The following ZMAT4 variants were observed in gnomAD, a reference collection of about 807,000 sequenced individuals.
ZMAT4 encodes the protein zinc finger matrin-type protein 4.
A neutral mutation model predicts 28.7 loss-of-function variants in ZMAT4; 17 were observed. The ratio of observed to expected loss-of-function variants is 0.59; its 90% CI spans 0.41 to 0.89. ZMAT4 has a LOEUF of 0.89. Ranked by LOEUF, ZMAT4 falls within the 40% of genes least tolerant of loss-of-function variation. The probability of loss-of-function intolerance (pLI) is 0.00; values close to 1 mark genes in which losing one functional copy is unlikely to be tolerated. For missense variants in ZMAT4, 240 were observed against 283.8 expected, an observed-to-expected ratio of 0.85 and a Z score of 1.11; for synonymous variants, 117 against 109.2, an observed-to-expected ratio of 1.07 and a Z score of -0.44.
At chr8:40,613,363 T>C (rs1805877622) in intron 5 of ZMAT4, among the ~76,000 whole-genome samples, 1 of 151,612 alleles carries the variant, frequency 6.6e-6, no homozygotes, top group South Asian at 2.1e-4. Flanking sequence ...TTTTTGTATT[T>C]TTAGTAGATG....
intron 1 of ZMAT4, among the ~76,000 whole-genome samples, chr8:40,833,968 G>A (rs1445451386): frequency 6.6e-6 from 1 of 152,220 alleles, no homozygotes; most frequent in East Asian, 1.9e-4. Flanking sequence ...GAGAGGCAGA[G>A]GGAGAGAAAA....
intron 5 of ZMAT4, among the ~76,000 whole-genome samples, chr8:40,618,758 T>G (rs1806101477): frequency 6.6e-6 from 1 of 151,946 alleles, no homozygotes; most frequent in Non-Finnish European, 1.5e-5. Flanking sequence ...ACGACAGCAC[T>G]GCAGGCACCT....
chr8:40,871,549 G>T (rs1279851614), intron 1 of ZMAT4, among the ~76,000 whole-genome samples: 1 of 152,230 alleles, frequency 6.6e-6, no homozygotes, highest in Admixed American at 6.5e-5. Flanking sequence ...CTGCAGAGAA[G>T]GCTGGGGCAG....
At chr8:40,800,538 A>T (rs1476920062) in intron 2 of ZMAT4, among the ~76,000 whole-genome samples, 1 of 152,182 alleles carries the variant, frequency 6.6e-6, no homozygotes, top group African/African-American at 2.4e-5. Flanking sequence ...AATAGAAATA[A>T]TAGAAATCAC....
intron 5 of ZMAT4, among the ~76,000 whole-genome samples, chr8:40,618,276 G>C (rs1274075815): frequency 1.3e-5 from 2 of 152,070 alleles, no homozygotes; most frequent in African/African-American, 4.8e-5. Flanking sequence ...AAAACAACAC[G>C]AGGCAGCCTG....
At chr8:40,708,335 C>G (rs1810452653) in intron 3 of ZMAT4, among the ~76,000 whole-genome samples, 1 of 152,184 alleles carries the variant, frequency 6.6e-6, no homozygotes, top group South Asian at 2.1e-4. Context: ...CCTGGAGGGG[C>G]AGACACAGCC....
At chr8:40,555,171 A>C (rs1803492925) in intron 6 of ZMAT4, among the ~76,000 whole-genome samples, 1 of 152,158 alleles carries the variant, frequency 6.6e-6, no homozygotes, top group East Asian at 1.9e-4. Context: ...ATGGCCAAAT[A>C]ATATTCCATT....
intron 2 of ZMAT4, among the ~76,000 whole-genome samples, chr8:40,817,203 C>T (rs1483210063): frequency 3.3e-5 from 5 of 152,056 alleles, no homozygotes; most frequent in African/African-American, 9.7e-5. Flanking sequence ...AAAAATAAAT[C>T]GGAAGCCTTT....
At chr8:40,811,681 G>A (rs1029375845) in intron 2 of ZMAT4, among the ~76,000 whole-genome samples, 26 of 152,296 alleles carry the variant, frequency 1.7e-4, no homozygotes, top group African/African-American at 6.3e-4. Context: ...AAAGTTAAAA[G>A]GTAATAGATG....
In ZMAT4 at chr8:40,829,876, C is replaced by T. The variant is rs1816215192; in HGVS notation, c.-4-4196G>A. On this transcript the variant is annotated intron_variant, in intron 1 of 6. Transcript: ENST00000297737. ...GGCACAGAGAAAAATCTTACTACCA[C>T]TAAGCATGAGAAGATAATAGGAGGG... Among the ~76,000 whole-genome samples the T allele has an allele frequency of 2.0e-5, 3 of 151,926 alleles. No individual in the cohort carries two copies. The South Asian group carries it at 6.2e-4, about 32-fold the overall frequency.
chr8:40,784,324 A>G (rs1313595136), intron 2 of ZMAT4, among the ~76,000 whole-genome samples: 4 of 152,216 alleles, frequency 2.6e-5, no homozygotes, highest in African/African-American at 9.6e-5. Flanking sequence ...AAAACTGCAT[A>G]TCTAAATCAA....
intron 5 of ZMAT4, among the ~76,000 whole-genome samples, chr8:40,600,843 AGCT>A (rs1360048339): frequency 1.3e-5 from 2 of 152,284 alleles, no homozygotes; most frequent in East Asian, 3.9e-4. Context: ...CAGACTAGCA[AGCT>A]GCTGCATCCT....
chr8:40,560,546 T>G (rs866029938), intron 6 of ZMAT4, among the ~76,000 whole-genome samples: 1 of 151,822 alleles, frequency 6.6e-6, no homozygotes, highest in South Asian at 2.1e-4. Flanking sequence ...AGTTTTGAGA[T>G]TCAAAATGGA....
At chr8:40,853,755 G>A (rs1422184066) in intron 1 of ZMAT4, among the ~76,000 whole-genome samples, 1 of 152,070 alleles carries the variant, frequency 6.6e-6, no homozygotes, top group Non-Finnish European at 1.5e-5. Context: ...TACCTCATCA[G>A]TCTAAGCTTC....
intron 1 of ZMAT4, among the ~76,000 whole-genome samples, chr8:40,843,974 T>C (rs1227487418): frequency 6.6e-6 from 1 of 152,122 alleles, no homozygotes; most frequent in African/African-American, 2.4e-5. Context: ...ACAGTGCACC[T>C]AGAAAACGGA....
intron 2 of ZMAT4, among the ~76,000 whole-genome samples, chr8:40,810,155 G>A (rs187438677): frequency 6.6e-6 from 1 of 152,100 alleles, no homozygotes; most frequent in Non-Finnish European, 1.5e-5. Flanking sequence ...GCATGTGTGT[G>A]TATGTATATA....
At chr8:40,681,527 GC>G (rs1809165380) in intron 4 of ZMAT4, among the ~76,000 whole-genome samples, 1 of 152,134 alleles carries the variant, frequency 6.6e-6, no homozygotes, top group Non-Finnish European at 1.5e-5. Flanking sequence ...ATTCTGTAGT[GC>G]TGTCACCACA....
At chr8:40,641,197 T>A (rs1365008408) in intron 5 of ZMAT4, among the ~76,000 whole-genome samples, 1 of 152,152 alleles carries the variant, frequency 6.6e-6, no homozygotes, top group East Asian at 1.9e-4. Context: ...GATAAAATAA[T>A]CTATCTGTGG....
At chr8:40,665,239 A>C (rs35661898) in intron 5 of ZMAT4, among the ~76,000 whole-genome samples, 79,391 of 151,258 alleles carry the variant, frequency 0.52, 21,087 homozygotes, top group Middle Eastern at 0.62. Context: ...CACACACACA[A>C]AAAAAACAAA....
Sources: allele counts gnomAD v4.1 joint callset (sites outside exome capture counted in the v4.1 genomes callset), GRCh38; gene constraint gnomAD v4.1.1; transcripts MANE v1.5; gene names NCBI Gene and HGNC (gene_info 2026-07-23, HGNC 2026-07-21).